The following DOCK2 variants were observed in gnomAD, a reference collection of about 807,000 sequenced individuals.
DOCK2 encodes the protein dedicator of cytokinesis 2.
Under a neutral mutation model 248.9 loss-of-function variants are expected in DOCK2, and 87 were observed. That is an observed-to-expected ratio of 0.35 (90% CI 0.29 to 0.42). The LOEUF (loss-of-function observed/expected upper bound fraction) is 0.42, where lower values mean the gene tolerates loss of function less well. DOCK2 is among the 10% of genes least tolerant of loss of function. The pLI, the probability that DOCK2 is intolerant of heterozygous loss-of-function variation, is 1.00. For synonymous variants in DOCK2, 805 were observed against 821.6 expected (o/e 0.98, Z 0.35); for missense variants, 1,747 against 2,300.2 (o/e 0.76, Z 4.92).
intron 27 of DOCK2, among the ~76,000 whole-genome samples, chr5:169,973,529 C>T (rs1777603496): frequency 6.6e-6 from 1 of 152,166 alleles, no homozygotes; most frequent in Non-Finnish European, 1.5e-5. Context: ...AAAGAGAGAA[C>T]TGAGGGTCCA....
At chr5:170,008,334 G>T (rs1755146507) in intron 30 of DOCK2, among the ~76,000 whole-genome samples, 163 bp from the exon 31 acceptor site, 1 of 152,148 alleles carries the variant, frequency 6.6e-6, no homozygotes, top group Non-Finnish European at 1.5e-5. Context: ...TGGCCAGGAT[G>T]TTAATTTCAG....
At chr5:170,052,680 A>G (rs1033006805) in intron 41 of DOCK2, among the ~76,000 whole-genome samples, 2 of 152,334 alleles carry the variant, frequency 1.3e-5, no homozygotes, top group South Asian at 2.1e-4. Flanking sequence ...TTCAAAAACT[A>G]TGTTCTAGTA....
At chr5:169,651,950 G>A (rs1214162736) in intron 1 of DOCK2, among the ~76,000 whole-genome samples, 1 of 152,190 alleles carries the variant, frequency 6.6e-6, no homozygotes, top group Non-Finnish European at 1.5e-5. Context: ...CCTTGTTCAG[G>A]AGATAATATA....
At chr5:169,962,532 T>C (rs1367576557) in intron 27 of DOCK2, among the ~76,000 whole-genome samples, 1 of 152,028 alleles carries the variant, frequency 6.6e-6, no homozygotes, top group Non-Finnish European at 1.5e-5. Flanking sequence ...TCACCTGGAG[T>C]TGTCAGACAG....
At position 169,797,243 on chromosome 5, in the gene DOCK2, T is replaced by G. The variant is rs994803056; in HGVS notation, c.2555-5815T>G. On this transcript the variant is annotated intron_variant, in intron 25 of 51. Transcript: ENST00000520908. ...GGAAGAGGGTCAATTCAGATATGGTTTTTAGAAGTGTTTTCTGCTGGAGCT... is the reference window on the plus strand; with the variant it reads ...GGAAGAGGGTCAATTCAGATATGGTGTTTAGAAGTGTTTTCTGCTGGAGCT... 3.9e-5 allele frequency among the ~76,000 whole-genome samples: 6 copies of G among 152,164 alleles called. No homozygotes were observed. In the East Asian group the frequency reaches 5.8e-4, roughly 15 times the overall value.
chr5:169,706,300 A>G (rs570320213), intron 14 of DOCK2, among the ~76,000 whole-genome samples: 1 of 152,300 alleles, frequency 6.6e-6, no homozygotes, highest in Non-Finnish European at 1.5e-5. Context: ...AACTACAGAA[A>G]CTCTAAGCCC....
intron 27 of DOCK2, among the ~76,000 whole-genome samples, chr5:169,907,053 A>G (rs190854230): frequency 4.7e-4 from 71 of 152,300 alleles, no homozygotes; most frequent in Non-Finnish European, 8.4e-4. Context: ...GTCTGTCACA[A>G]TCCTGTAGGT....
chr5:169,708,214 C>A lies in DOCK2; in HGVS notation c.1429C>A (p.Arg477Ser), dbSNP rs563258542. ...AGGGGACAAGCCCATGAATGAGTAT[C>A]GCTCCGTTGTGTACTATCAAGTCAA... ...GAGDKPMNEY[R>S]SVVYYQVKQP... The change falls in exon 15 of 52, where the codon CGC (arginine) becomes AGC (serine). Residue 477 changes from arginine to serine, a missense_variant. Transcript: ENST00000520908. The A allele has an allele frequency of 5.6e-6, 9 of 1,613,958 alleles. No homozygotes were observed. Among genetic ancestry groups the A allele is most frequent in the Non-Finnish European group, 7.6e-6 (9 of 1,179,944 alleles).
At chr5:169,886,400 G>C (rs55913366) in intron 27 of DOCK2, among the ~76,000 whole-genome samples, 30 of 152,304 alleles carry the variant, frequency 2.0e-4, no homozygotes, top group African/African-American at 7.2e-4. Context: ...ACTTTGTGTA[G>C]GACTTTTAGG....
At chr5:170,046,163 C>A (rs1004923860) in intron 39 of DOCK2, among the ~76,000 whole-genome samples, 1 of 152,238 alleles carries the variant, frequency 6.6e-6, no homozygotes, top group African/African-American at 2.4e-5. Flanking sequence ...GGGGCTGCAA[C>A]TGCCACCGCT....
chr5:169,702,494 C>T, intron 14 of DOCK2, 67 bp downstream of exon 14: 1 of 1,592,708 alleles, frequency 6.3e-7, no homozygotes, highest in East Asian at 2.3e-5. Context: ...TAAAGACGTA[C>T]TTTTCCTCTC....
intron 27 of DOCK2, among the ~76,000 whole-genome samples, chr5:169,945,031 A>G (rs1776389518): frequency 6.6e-6 from 1 of 152,226 alleles, no homozygotes. Context: ...ACAACTTCAG[A>G]GGTGTCTTCT....
intron 29 of DOCK2, among the ~76,000 whole-genome samples, chr5:169,988,426 C>T (rs1778124879): frequency 6.6e-6 from 1 of 152,126 alleles, no homozygotes; most frequent in African/African-American, 2.4e-5. Context: ...TAACATACTT[C>T]CTGTTGCATT....
chr5:170,035,244 T>C (rs751731410), intron 35 of DOCK2, among the ~76,000 whole-genome samples: 8 of 152,204 alleles, frequency 5.3e-5, no homozygotes, highest in Non-Finnish European at 1.0e-4. Flanking sequence ...ATTCACCGTG[T>C]CATCCCACCT....
At chr5:170,063,049 A>C (rs1432032041) in intron 44 of DOCK2, among the ~76,000 whole-genome samples, 1 of 152,178 alleles carries the variant, frequency 6.6e-6, no homozygotes, top group African/African-American at 2.4e-5. Context: ...CAACTTTTAC[A>C]GCTTCCACCC....
In DOCK2 at chr5:169,702,316, C is replaced by G; in HGVS notation, c.1272C>G (p.Asn424Lys). 2 of 1,613,720 alleles carry G rather than the reference C, an allele frequency of 1.2e-6. No individual in the cohort carries two copies. Among genetic ancestry groups the G allele is most frequent in the South Asian group, 1.1e-5 (1 of 91,068 alleles). Reference protein sequence around the residue: ...PEIIMPGDVRNDIYITLLQGD... With the variant: ...PEIIMPGDVRKDIYITLLQGD... The stretch of plus-strand genomic sequence containing the variant: ...CCTCTGCCTCAGGGGATGTCAGGAA[C>G]GACATCTACATTACTCTCTTACAAG... Residue 424 changes from asparagine (N) to lysine (K), a missense_variant, in exon 14 of 52, where the codon AAC becomes AAG. Coordinates refer to ENST00000520908, the MANE Select transcript of DOCK2 (RefSeq NM_004946.3).
At chr5:169,868,983 T>C (rs556228025) in intron 27 of DOCK2, among the ~76,000 whole-genome samples, 1 of 152,274 alleles carries the variant, frequency 6.6e-6, no homozygotes, top group South Asian at 2.1e-4. Context: ...GGCAAGTTTC[T>C]TCTCTTCCCA....
At chr5:169,919,585 T>C (rs1279749917) in intron 27 of DOCK2, among the ~76,000 whole-genome samples, 1 of 152,212 alleles carries the variant, frequency 6.6e-6, no homozygotes, top group Non-Finnish European at 1.5e-5. Context: ...CATTAATGGT[T>C]TGAAGAAGTG....
chr5:169,686,197 A>G (rs1481401133), intron 8 of DOCK2, among the ~76,000 whole-genome samples: 1 of 152,188 alleles, frequency 6.6e-6, no homozygotes, highest in Non-Finnish European at 1.5e-5. Flanking sequence ...CTGCAGTTTC[A>G]GGAGCCTTAG....
Sources: gnomAD v4.1 joint callset for allele counts (sites outside exome capture counted in the v4.1 genomes callset) on GRCh38, gnomAD v4.1.1 for gene constraint, MANE v1.5 for transcripts, NCBI Gene and HGNC (gene_info 2026-07-23, HGNC 2026-07-21) for gene names.